SNX27: variants seen among roughly 807,000 people sequenced by gnomAD.
SNX27 encodes sorting nexin 27.
In SNX27, 22 loss-of-function variants were observed where a neutral mutation model predicts 71.6. The observed-to-expected ratio is 0.31, with a 90% CI of 0.22 to 0.44. The LOEUF is 0.44. Ranked by LOEUF, SNX27 falls within the 20% of genes least tolerant of loss-of-function variation. The probability of loss-of-function intolerance (pLI) is 1.00; values close to 1 mark genes in which losing one functional copy is unlikely to be tolerated. For synonymous variants in SNX27, 269 were observed against 277.2 expected (o/e 0.97, Z 0.29); for missense variants, 531 against 698.6 (o/e 0.76, Z 2.70).
chr1:151,658,466 G>A (rs565464403), intron 3 of SNX27, 39 bp downstream of exon 3: 25 of 1,561,616 alleles, frequency 1.6e-5, no homozygotes, highest in Admixed American at 8.8e-5. Flanking sequence ...TTGAGTAGAC[G>A]TAGGTTCTAG....
At chr1:151,614,686 T>G (rs552043396) in intron 1 of SNX27, among the ~76,000 whole-genome samples, 1 of 152,242 alleles carries the variant, frequency 6.6e-6, no homozygotes, top group South Asian at 2.1e-4. Context: ...TTTCTTCCAA[T>G]AGAAGGTCTC....
At chr1:151,613,325 A>G (rs2102582334) in intron 1 of SNX27, 1 of 152,688 alleles carries the variant, frequency 6.5e-6, no homozygotes, top group Non-Finnish European at 1.5e-5. Flanking sequence ...CTCTGAGAGC[A>G]TCCCTTCCCT....
chr1:151,673,416 C>T (rs938285761), intron 7 of SNX27, among the ~76,000 whole-genome samples: 4 of 151,888 alleles, frequency 2.6e-5, no homozygotes, highest in African/African-American at 4.8e-5. Context: ...TTTTTAAAAA[C>T]GTTTTAAGAC....
rs61159507 is a variant in SNX27, at chr1:151,692,406, CTTTTTTTTTTTT to C, written c.1240-14_1240-3del. The C allele has an allele frequency of 9.6e-5, 82 of 854,594 alleles. No homozygotes were observed. Among genetic ancestry groups the C allele is most frequent in the South Asian group, 4.7e-4 (25 of 53,310 alleles). 52.9% of individuals were successfully genotyped at this position (854,594 alleles called of 1,614,324 possible). On this transcript the variant is annotated splice_polypyrimidine_tract_variant and intron_variant, in intron 8 of 11. Transcript: ENST00000458013. ...TAACCCTGTTTCCTGTTTCTCCTTC[CTTTTTTTTTTTT>C]TTTTTTTTTTTTTTAGTACCTCAAC...
At chr1:151,642,205 G>GGCCATCCTGGCTAACACA (rs1553257940) in intron 2 of SNX27, among the ~76,000 whole-genome samples, 42 of 151,742 alleles carry the variant, frequency 2.8e-4, no homozygotes, top group Admixed American at 2.2e-3. Context: ...TGGCCAATAT[G>GGCCATCCTGGCTAACACA]GTGAAACCCC....
chr1:151,652,233 A>AGAGGGAGAGGGG, intron 2 of SNX27, among the ~76,000 whole-genome samples: 2 of 115,952 alleles, frequency 1.7e-5, no homozygotes, highest in African/African-American at 6.4e-5. Context: ...AGGGAGAGGG[A>AGAGGGAGAGGGG]GAGGGAGAGG....
intron 2 of SNX27, among the ~76,000 whole-genome samples, chr1:151,643,529 A>C (rs1014351892): frequency 1.4e-5 from 2 of 143,348 alleles, no homozygotes; most frequent in African/African-American, 5.1e-5. Context: ...TCCTGACCTC[A>C]TGATCCGCCT....
intron 1 of SNX27, among the ~76,000 whole-genome samples, chr1:151,629,076 A>G (rs1305678119): frequency 1.3e-5 from 2 of 151,398 alleles, no homozygotes; most frequent in Non-Finnish European, 2.9e-5. Context: ...ATTTTCTCCT[A>G]TGTTATCTTT....
intron 2 of SNX27, among the ~76,000 whole-genome samples, chr1:151,651,877 C>T (rs1669400889): frequency 6.6e-6 from 1 of 151,916 alleles, no homozygotes; most frequent in Non-Finnish European, 1.5e-5. Flanking sequence ...TTGTAGCGAG[C>T]CGAGATCACG....
intron 2 of SNX27, among the ~76,000 whole-genome samples, chr1:151,651,311 G>T (rs1165095898): frequency 6.6e-6 from 1 of 150,744 alleles, no homozygotes. Flanking sequence ...CAGATGGGGC[G>T]GCTGGCGGGG....
chr1:151,612,515 G>T lies in SNX27; in HGVS notation c.311+3G>T. On this transcript the variant is annotated splice_donor_region_variant and intron_variant, in intron 1 of 11. Coordinates refer to ENST00000458013, the MANE Select transcript of SNX27 (RefSeq NM_001330723.2). The surrounding 1 kb of genome is among the most constrained non-coding windows in gnomAD (Gnocchi z 5.2). ...AAGGGGGACCGCATCCTGGAGGTGT[G>T]AGTATCGGGGCTACCCGCCGCCCCA... is the stretch of plus-strand genomic sequence containing the variant. 1 of 1,367,698 alleles carries T rather than the reference G, an allele frequency of 7.3e-7. No individual in the cohort carries two copies. 84.7% of individuals were successfully genotyped at this position (1,367,698 alleles called of 1,614,324 possible).
At chr1:151,658,842 G>A (rs1035018378) in intron 3 of SNX27, among the ~76,000 whole-genome samples, 1 of 68,170 alleles carries the variant, frequency 1.5e-5, no homozygotes, top group Non-Finnish European at 3.0e-5. Context: ...ATGCCACCAC[G>A]CCCAGCTAAT....
intron 2 of SNX27, among the ~76,000 whole-genome samples, chr1:151,646,051 C>A (rs1395437696): frequency 6.6e-6 from 1 of 152,064 alleles, no homozygotes; most frequent in African/African-American, 2.4e-5. Context: ...ATCCCTTTAA[C>A]ATTATTTATC....
chr1:151,684,939 G>C (rs1671125545), intron 8 of SNX27, among the ~76,000 whole-genome samples: 1 of 152,012 alleles, frequency 6.6e-6, no homozygotes. Flanking sequence ...CTCTCGAGTA[G>C]CTGGGACTAT....
chr1:151,612,348 C>T lies in SNX27; in HGVS notation c.147C>T (p.Ser49=), dbSNP rs1571741449. Residue 49 remains serine, a synonymous_variant, in exon 1 of 12, where the codon TCC becomes TCT. Transcript: ENST00000458013. This position sits in a 1 kb window ranked among gnomAD's most constrained non-coding sequence, Gnocchi z 5.2. The part of the protein sequence containing the change: ...GGPRVVRIVK[S]ESGYGFNVRG... Reference sequence around the variant, plus strand: ...CGCGGGTCGTGCGCATCGTCAAGTCCGAGTCCGGCTACGGCTTCAACGTGC... The same window carrying T: ...CGCGGGTCGTGCGCATCGTCAAGTCTGAGTCCGGCTACGGCTTCAACGTGC... 2 of 1,547,842 alleles carry T rather than the reference C, an allele frequency of 1.3e-6. No homozygotes were observed. Among genetic ancestry groups the T allele is most frequent in the Non-Finnish European group, 1.7e-6 (2 of 1,152,048 alleles).
At chr1:151,681,807 G>A (rs145759075) in intron 7 of SNX27, among the ~76,000 whole-genome samples, 29 of 152,208 alleles carry the variant, frequency 1.9e-4, no homozygotes, top group African/African-American at 7.0e-4. Context: ...TCATAATCTA[G>A]TGTTAGTCTG....
At chr1:151,636,635 G>C (rs188286048) in intron 1 of SNX27, among the ~76,000 whole-genome samples, 1 of 126,512 alleles carries the variant, frequency 7.9e-6, no homozygotes, top group East Asian at 2.4e-4. Flanking sequence ...ATTTTGGCCA[G>C]TCTTTAAGGT....
chr1:151,655,963 C>T (rs1352662721), intron 2 of SNX27, among the ~76,000 whole-genome samples: 1 of 152,164 alleles, frequency 6.6e-6, no homozygotes, highest in Non-Finnish European at 1.5e-5. Context: ...GGGTCTCACA[C>T]CTGTAATCCC....
chr1:151,693,379 G>C, intron 10 of SNX27, 45 bp from the exon 11 acceptor site: 1 of 1,579,558 alleles, frequency 6.3e-7, no homozygotes, highest in Non-Finnish European at 8.7e-7. Flanking sequence ...GTCCTGAGAT[G>C]CCTGCTCTTG....
Sources: allele counts gnomAD v4.1 joint callset (sites outside exome capture counted in the v4.1 genomes callset), GRCh38; gene constraint gnomAD v4.1.1; non-coding constraint Gnocchi (gnomAD v3.1); transcripts MANE v1.5; gene names NCBI Gene and HGNC (gene_info 2026-07-23, HGNC 2026-07-21).